Variants in APOLD1 observed in about 807,000 individuals in gnomAD.
APOLD1 encodes apolipoprotein L domain-containing protein 1.
A neutral mutation model predicts 15.3 loss-of-function variants in APOLD1; 22 were observed. That is an observed-to-expected ratio of 1.44 (90% CI 1.03 to 2.05). The LOEUF (loss-of-function observed/expected upper bound fraction) is 2.05, where lower values mean the gene tolerates loss of function less well. APOLD1 is among the 30% of genes most tolerant of loss of function. The pLI, the probability that APOLD1 is intolerant of heterozygous loss-of-function variation, is 0.00. For missense variants in APOLD1, 394 were observed against 353.5 expected, an observed-to-expected ratio of 1.11 and a Z score of -0.92; for synonymous variants, 190 against 167.4, an observed-to-expected ratio of 1.13 and a Z score of -1.04.
intron 1 of APOLD1, among the ~76,000 whole-genome samples, chr12:12,774,470 C>CAGAAGGCAG (rs1947013149): frequency 7.1e-6 from 1 of 140,790 alleles, no homozygotes; most frequent in Admixed American, 7.7e-5. Context: ...GGCTTGAACC[C>CAGAAGGCAG]AGAAGGCAGA....
intron 1 of APOLD1, among the ~76,000 whole-genome samples, chr12:12,730,277 C>T (rs1226712426): frequency 6.6e-6 from 1 of 152,044 alleles, no homozygotes; most frequent in Non-Finnish European, 1.5e-5. Context: ...TGTACTGGGC[C>T]ATATTATTTG....
chr12:12,729,204 T>C (rs976358641), intron 1 of APOLD1, among the ~76,000 whole-genome samples: 2 of 151,658 alleles, frequency 1.3e-5, no homozygotes, highest in South Asian at 4.2e-4. Flanking sequence ...AATGAATTTG[T>C]CTAGTTTTAA....
chr12:12,766,046 G>A (rs969334769), intron 1 of APOLD1, among the ~76,000 whole-genome samples: 2 of 152,140 alleles, frequency 1.3e-5, no homozygotes, highest in African/African-American at 4.8e-5. Context: ...AATGATGGCA[G>A]GAAATAAAAG....
upstream of APOLD1, chr12:12,785,599 T>C (rs545818916): frequency 1.9e-6 from 3 of 1,612,896 alleles, no homozygotes; most frequent in South Asian, 3.3e-5. Flanking sequence ...AGACAAGGCT[T>C]TCCCAGGGCA....
chr12:12,732,296 T>C (rs995940881), intron 1 of APOLD1, among the ~76,000 whole-genome samples: 1 of 152,248 alleles, frequency 6.6e-6, no homozygotes, highest in African/African-American at 2.4e-5. Flanking sequence ...TTTTATATAC[T>C]GCGCATTTAA....
intron 1 of APOLD1, among the ~76,000 whole-genome samples, chr12:12,766,822 CAG>C (rs1946946333): frequency 6.6e-6 from 1 of 151,402 alleles, no homozygotes; most frequent in Non-Finnish European, 1.5e-5. Context: ...ACCTGGGTGA[CAG>C]AGTGAAACTA....
intron 1 of APOLD1, among the ~76,000 whole-genome samples, chr12:12,744,308 A>T (rs1393868598): frequency 4.2e-5 from 2 of 47,638 alleles, no homozygotes; most frequent in Non-Finnish European, 8.3e-5. Flanking sequence ...GACCCTGCTT[A>T]AAAAAAAAAA....
At chr12:12,734,813 T>A (rs935810940) in intron 1 of APOLD1, among the ~76,000 whole-genome samples, 1 of 152,218 alleles carries the variant, frequency 6.6e-6, no homozygotes, top group Non-Finnish European at 1.5e-5. Context: ...TCGCGTGCAG[T>A]CTCTGGGAGC....
At chr12:12,737,722 A>C (rs1017245231) in intron 1 of APOLD1, among the ~76,000 whole-genome samples, 3 of 152,322 alleles carry the variant, frequency 2.0e-5, no homozygotes, top group Admixed American at 2.0e-4. Context: ...TCAGCTGAGG[A>C]TCCAAGCTGG....
intron 1 of APOLD1, chr12:12,726,294 C>A: frequency 1.5e-6 from 1 of 679,034 alleles, no homozygotes; most frequent in Admixed American, 2.2e-5. Context: ...CTTTGATTTC[C>A]AGAGCGTTTT....
intron 1 of APOLD1, among the ~76,000 whole-genome samples, chr12:12,767,203 G>A (rs1946948862): frequency 6.6e-6 from 1 of 151,648 alleles, no homozygotes; most frequent in African/African-American, 2.4e-5. Context: ...CCAAGACCAC[G>A]CCAGTGCACT....
intron 1 of APOLD1, among the ~76,000 whole-genome samples, chr12:12,731,009 C>T (rs867792160): frequency 3.9e-5 from 6 of 152,086 alleles, no homozygotes; most frequent in South Asian, 2.1e-4. Flanking sequence ...GGCGTGGTGG[C>T]GGGCGCCTGT....
At chr12:12,734,980 A>G (rs1946672703) in intron 1 of APOLD1, among the ~76,000 whole-genome samples, 1 of 152,186 alleles carries the variant, frequency 6.6e-6, no homozygotes, top group Non-Finnish European at 1.5e-5. Context: ...CTTCTGCTTC[A>G]TGCTGTAGCA....
chr12:12,760,972 G>A (rs1329965460), intron 1 of APOLD1, among the ~76,000 whole-genome samples: 4 of 152,202 alleles, frequency 2.6e-5, no homozygotes, highest in Non-Finnish European at 5.9e-5. Context: ...TTGAAGATGT[G>A]TCTTGCCTCT....
chr12:12,778,370 A>T (rs1355741769), intron 1 of APOLD1, among the ~76,000 whole-genome samples: 1 of 151,422 alleles, frequency 6.6e-6, no homozygotes, highest in Non-Finnish European at 1.5e-5. Flanking sequence ...CCCAGGCTGG[A>T]GTGCAATGGT....
intron 1 of APOLD1, among the ~76,000 whole-genome samples, chr12:12,765,056 G>T (rs1026287581): frequency 6.6e-6 from 1 of 152,152 alleles, no homozygotes; most frequent in Admixed American, 6.5e-5. Flanking sequence ...GAGCCTGAGA[G>T]ACTGGGAGAG....
At chr12:12,731,227 G>A (rs1305499759) in intron 1 of APOLD1, among the ~76,000 whole-genome samples, 2 of 152,178 alleles carry the variant, frequency 1.3e-5, no homozygotes, top group South Asian at 4.1e-4. Context: ...ACCACAGCCA[G>A]TACTATGTTA....
At chr12:12,732,670 A>T (rs1946648978) in intron 1 of APOLD1, among the ~76,000 whole-genome samples, 3 of 150,940 alleles carry the variant, frequency 2.0e-5, no homozygotes, top group African/African-American at 7.3e-5. Flanking sequence ...GGTTGAAGTG[A>T]GCAGAGATTA....
intron 1 of APOLD1, among the ~76,000 whole-genome samples, chr12:12,748,523 G>T (rs946171469): frequency 2.0e-5 from 3 of 152,178 alleles, no homozygotes; most frequent in African/African-American, 7.2e-5. Flanking sequence ...GGATATTTCT[G>T]GGATGCATGT....
Sources: allele counts gnomAD v4.1 joint callset (sites outside exome capture counted in the v4.1 genomes callset), GRCh38; gene constraint gnomAD v4.1.1; transcripts MANE v1.5; gene names NCBI Gene and HGNC (gene_info 2026-07-23, HGNC 2026-07-21).